METTL4: variants seen among roughly 807,000 people sequenced by gnomAD.
The protein encoded by METTL4 is N(6)-adenine-specific methyltransferase METTL4.
A neutral mutation model predicts 54.0 loss-of-function variants in METTL4; 40 were observed. The observed-to-expected ratio is 0.74, with a 90% confidence interval of 0.58 to 0.96. The LOEUF (loss-of-function observed/expected upper bound fraction) is 0.96, where lower values mean the gene tolerates loss of function less well. METTL4 is among the 50% of genes least tolerant of loss of function. The probability of loss-of-function intolerance (pLI) is 0.00; values close to 1 mark genes in which losing one functional copy is unlikely to be tolerated. For missense variants in METTL4, 525 were observed against 549.0 expected (o/e 0.96, Z 0.44); for synonymous variants, 169 against 183.8 (o/e 0.92, Z 0.65).
At chr18:2,558,972 C>T (rs973966607) in intron 3 of METTL4, among the ~76,000 whole-genome samples, 3 of 152,136 alleles carry the variant, frequency 2.0e-5, no homozygotes, top group East Asian at 1.9e-4. Context: ...ACAAAAGTGT[C>T]GGCAAGGATG....
intron 3 of METTL4, among the ~76,000 whole-genome samples, chr18:2,558,565 C>G (rs1011347626): frequency 1.5e-4 from 23 of 149,852 alleles, no homozygotes; most frequent in Admixed American, 1.3e-3. Flanking sequence ...AAGAAAATAC[C>G]CAAGAAAATT....
intron 8 of METTL4, chr18:2,540,072 T>C (rs1008043464): frequency 1.8e-4 from 172 of 977,530 alleles, no homozygotes; most frequent in Non-Finnish European, 2.0e-4. Context: ...CAGTTAAGTA[T>C]TCCTTGTATT....
chr18:2,545,808 A>G (rs1412369164), intron 6 of METTL4, among the ~76,000 whole-genome samples: 1 of 152,106 alleles, frequency 6.6e-6, no homozygotes, highest in Non-Finnish European at 1.5e-5. Context: ...AATGCACATT[A>G]CCCCTCCTAT....
chr18:2,565,775 A>G (rs1421266776), intron 2 of METTL4, among the ~76,000 whole-genome samples: 1 of 152,160 alleles, frequency 6.6e-6, no homozygotes, highest in African/African-American at 2.4e-5. Flanking sequence ...CTATCACTAA[A>G]AAAGAAAATG....
At chr18:2,540,080 A>G in intron 8 of METTL4, 2 of 977,962 alleles carry the variant, frequency 2.0e-6, no homozygotes, top group Non-Finnish European at 2.4e-6. Context: ...TATTCCTTGT[A>G]TTATTCAATG....
intron 2 of METTL4, among the ~76,000 whole-genome samples, chr18:2,566,333 A>G (rs2072418099): frequency 6.6e-6 from 1 of 152,120 alleles, no homozygotes. Flanking sequence ...GTATCACTAG[A>G]AACTTTTAAA....
At chr18:2,559,722 G>C (rs2072288426) in intron 3 of METTL4, among the ~76,000 whole-genome samples, 1 of 152,096 alleles carries the variant, frequency 6.6e-6, no homozygotes, top group Admixed American at 6.5e-5. Flanking sequence ...AGGATGAAAT[G>C]AACACATTTC....
intron 3 of METTL4, among the ~76,000 whole-genome samples, chr18:2,557,473 A>C (rs1376260069): frequency 6.6e-6 from 1 of 152,046 alleles, no homozygotes; most frequent in Non-Finnish European, 1.5e-5. Context: ...TTCCAGAAAA[A>C]ATTTCCAAGG....
chr18:2,544,409 T>C, intron 7 of METTL4, 123 bp from the exon 8 acceptor site: 2 of 706,322 alleles, frequency 2.8e-6, no homozygotes, highest in Middle Eastern at 4.0e-4. Context: ...TTACAATCAA[T>C]GAAAGAAATT....
intron 1 of METTL4, among the ~76,000 whole-genome samples, chr18:2,569,655 C>T (rs1440655184): frequency 1.3e-5 from 2 of 152,236 alleles, no homozygotes; most frequent in African/African-American, 4.8e-5. Flanking sequence ...CTTCCACTCC[C>T]ACCCTTGGCC....
chr18:2,560,516 A>G (rs922436719), intron 3 of METTL4, among the ~76,000 whole-genome samples: 11 of 152,342 alleles, frequency 7.2e-5, no homozygotes, highest in African/African-American at 2.6e-4. Context: ...ATTATATATA[A>G]GGCCGAAGAA....
rs1318735304 is a variant in METTL4, at chr18:2,538,456, G to A, written c.*544C>T. 5 of 153,312 alleles carry A rather than the reference G, an allele frequency of 3.3e-5. No individual in the cohort carries two copies. Among genetic ancestry groups the A allele is most frequent in the Middle Eastern group, 3.4e-3 (1 of 296 alleles). 9.5% of individuals were successfully genotyped at this position (153,312 alleles called of 1,614,324 possible). A position where few individuals can be genotyped will look rare whatever the true frequency, so the allele number is the denominator to read the frequency against. ...GGATGACATAAGTGAGCAGCATGGT[G>A]GCAGTGGTACTGTGGCAAAGTGGAG... On this transcript the variant is annotated 3_prime_UTR_variant, in exon 9 of 9. Transcript: ENST00000574538.
chr18:2,566,093 A>G (rs2072413455), intron 2 of METTL4, among the ~76,000 whole-genome samples: 1 of 150,250 alleles, frequency 6.7e-6, no homozygotes, highest in African/African-American at 2.4e-5. Context: ...AAATAAATAA[A>G]ATAAACAAAT....
chr18:2,539,433 T>C (rs1204727193), intron 8 of METTL4, among the ~76,000 whole-genome samples: 1 of 151,902 alleles, frequency 6.6e-6, no homozygotes, highest in Non-Finnish European at 1.5e-5. Context: ...GACTTTTCAG[T>C]TTTCCAATAC....
chr18:2,540,943 C>T (rs2071985335), intron 8 of METTL4: 1 of 983,822 alleles, frequency 1.0e-6, no homozygotes, highest in Non-Finnish European at 1.2e-6. Flanking sequence ...TGTTATAAAA[C>T]TTAAACAAAG....
chr18:2,539,695 T>A, intron 8 of METTL4: 2 of 275,142 alleles, frequency 7.3e-6, no homozygotes, highest in Non-Finnish European at 1.1e-5. Flanking sequence ...TTCCCCAGGC[T>A]GGTCTCGAAC....
Position 2,567,023 on chromosome 18 carries a change from G to T in METTL4, c.194C>A (p.Ser65Tyr). Residue 65 changes from serine (S) to tyrosine (Y), a missense_variant, in exon 2 of 9, where the codon TCT becomes TAT. Physicochemically the swap from Ser to Tyr is moderately radical, Grantham distance 144 (BLOSUM62 -2). Coordinates refer to ENST00000574538, the MANE Select transcript of METTL4 (RefSeq NM_022840.5). ...ATTCTCTGGCTTAGTGGAAGAGTCA[G>T]AAGCAATAAATGCAGCACAGACTCC... ...SSGVCAAFIA[S>Y]DSSTKPENDD... 1 of 1,614,154 alleles carries T rather than the reference G, an allele frequency of 6.2e-7. No homozygotes were observed. The highest frequency in any genetic ancestry group is 8.5e-7 in the Non-Finnish European group (1 of 1,180,020).
chr18:2,541,333 C>T (rs528468373), intron 8 of METTL4, among the ~76,000 whole-genome samples: 97 of 152,290 alleles, frequency 6.4e-4, no homozygotes, highest in African/African-American at 2.2e-3. Context: ...CACACTTTAA[C>T]TAATGGAGCG....
chr18:2,563,520 A>C (rs1302718969), intron 3 of METTL4, among the ~76,000 whole-genome samples: 2 of 144,712 alleles, frequency 1.4e-5, no homozygotes, highest in Non-Finnish European at 3.0e-5. Flanking sequence ...GCTTGAACCC[A>C]GGAGGCAGAG....
Sources: gnomAD v4.1 joint callset for allele counts (sites outside exome capture counted in the v4.1 genomes callset) on GRCh38, gnomAD v4.1.1 for gene constraint, MANE v1.5 for transcripts, NCBI Gene and HGNC (gene_info 2026-07-23, HGNC 2026-07-21) for gene names.